Variants in HROB observed in about 807,000 individuals in gnomAD.
The protein encoded by HROB is homologous recombination OB-fold protein.
Under a neutral mutation model 61.0 loss-of-function variants are expected in HROB, and 44 were observed. The observed-to-expected ratio is 0.72, with a 90% confidence interval of 0.57 to 0.93. The LOEUF (loss-of-function observed/expected upper bound fraction) is 0.93. HROB is among the 40% of genes least tolerant of loss of function. HROB has a pLI of 0.00. For missense variants in HROB, 716 were observed against 796.2 expected (o/e 0.90, Z 1.21); for synonymous variants, 301 against 310.4 (o/e 0.97, Z 0.32).
intron 5 of HROB, among the ~76,000 whole-genome samples, chr17:44,153,881 C>G (rs914224153): frequency 5.9e-5 from 9 of 151,828 alleles, no homozygotes; most frequent in African/African-American, 2.2e-4. Flanking sequence ...GAAACCCCCT[C>G]TATTGAAAAT....
Position 44,141,951 on chromosome 17 carries a change from G to A in HROB, c.-192G>A, listed in dbSNP as rs2053453705. 1.4e-6 allele frequency: 1 copy of A among 690,182 alleles called. No homozygotes were observed. Among genetic ancestry groups the A allele is most frequent in the Non-Finnish European group, 2.3e-6 (1 of 440,910 alleles). 42.8% of individuals were successfully genotyped at this position (690,182 alleles called of 1,614,324 possible). On this transcript the variant is annotated 5_prime_UTR_variant, in exon 1 of 10. Coordinates refer to ENST00000585683, the MANE Select transcript of HROB (RefSeq NM_001171251.3). ...CCCCAGTGGCGGCGTCTTCGAATGC[G>A]GCCTAAGGCGCCTGCCGCCAGTCTC... is the stretch of plus-strand genomic sequence containing the variant.
At chr17:44,149,160 A>C (rs1050006317) in intron 3 of HROB, 133 bp downstream of exon 3, 6 of 963,510 alleles carry the variant, frequency 6.2e-6, no homozygotes, top group Non-Finnish European at 4.5e-6. Context: ...TCAAAGCTGC[A>C]GGAGAAATAA....
rs2053854076 is a variant in HROB at position 44,152,775 on chromosome 17, A to C, written c.1447A>C (p.Lys483Gln). The C allele has an allele frequency of 1.9e-6, 3 of 1,612,760 alleles. No individual in the cohort carries two copies. Among genetic ancestry groups the C allele is most frequent in the Non-Finnish European group, 2.5e-6 (3 of 1,179,374 alleles). The change falls in exon 5 of 10, where the codon AAG (lysine) becomes CAG (glutamine). Residue 483 changes from lysine to glutamine, a missense_variant and splice_region_variant. By Grantham distance (53) the Lys-to-Gln change is moderately conservative. Coordinates refer to ENST00000585683, the MANE Select transcript of HROB (RefSeq NM_001171251.3). ...CTACAGCATTGTCATGGTGCTGCGC[A>C]AGGTAAGGATTCTGGGTGCTGAGAC... ...CTYSIVMVLR[K>Q]AALKQLPRNK...
intron 3 of HROB, among the ~76,000 whole-genome samples, chr17:44,150,546 C>G (rs947759237): frequency 6.6e-6 from 1 of 152,138 alleles, no homozygotes; most frequent in African/African-American, 2.4e-5. Flanking sequence ...TGGGCCACCA[C>G]GCCTGGCTAA....
chr17:44,150,549 C>T (rs2053769035), intron 3 of HROB, among the ~76,000 whole-genome samples: 1 of 152,136 alleles, frequency 6.6e-6, no homozygotes, highest in African/African-American at 2.4e-5. Context: ...GCCACCACGC[C>T]TGGCTAATTT....
Position 44,148,207 on chromosome 17 carries a change from A to C in HROB, c.404A>C (p.His135Pro). 1 of 1,614,012 alleles carries C rather than the reference A, an allele frequency of 6.2e-7. No individual in the cohort carries two copies. The highest frequency in any genetic ancestry group is 1.1e-5 in the South Asian group (1 of 91,078). ...GCAAGACCTCAGTCCTCAGCCTTACACCCCCTACTCACCTTTGAGAGCCAA... is the reference window on the plus strand; with the variant it reads ...GCAAGACCTCAGTCCTCAGCCTTACCCCCCCTACTCACCTTTGAGAGCCAA... ...ETARPQSSAL[H>P]PLLTFESQQQ... Residue 135 changes from histidine to proline, a missense_variant, in exon 3 of 10, where the codon CAC becomes CCC. Physicochemically the swap from His to Pro is moderately conservative, Grantham distance 77. Coordinates refer to ENST00000585683, the MANE Select transcript of HROB (RefSeq NM_001171251.3).
intron 8 of HROB, 118 bp downstream of exon 8, chr17:44,155,529 G>C: frequency 7.0e-7 from 1 of 1,433,968 alleles, no homozygotes; most frequent in East Asian, 2.4e-5. Flanking sequence ...GGTGCTCTGA[G>C]GTGAAAAGGT....
chr17:44,158,035 C>T (rs2054024245), intron 9 of HROB, 94 bp downstream of exon 9: 1 of 875,632 alleles, frequency 1.1e-6, no homozygotes. Context: ...GTTCCTCTTT[C>T]CATGAATCTT....
rs569129993 is a variant in HROB at position 44,156,673 on chromosome 17, T to A, written c.1771-1160T>A. On this transcript the variant is annotated intron_variant, in intron 8 of 9. Coordinates refer to ENST00000585683, the MANE Select transcript of HROB (RefSeq NM_001171251.3). The stretch of plus-strand genomic sequence containing the variant: ...TTTAATTACCGGTATTTATTTATTT[T>A]TTTTTTTTGAAATGGAGTCTCACTC... Among the ~76,000 whole-genome samples, 102 of 151,718 alleles carry A rather than the reference T, an allele frequency of 6.7e-4. 1 individual carries two copies. The highest frequency in any genetic ancestry group is 3.4e-3 in the Middle Eastern group (1 of 294).
At chr17:44,155,482 C>T (rs927714422) in intron 8 of HROB, 71 bp downstream of exon 8, 46 of 1,583,644 alleles carry the variant, frequency 2.9e-5, no homozygotes, top group Non-Finnish European at 3.9e-5. Flanking sequence ...ATTTCTTCCT[C>T]TCTTCCACCC....
intron 9 of HROB, among the ~76,000 whole-genome samples, chr17:44,161,262 G>A (rs1294805560): frequency 1.3e-5 from 2 of 151,976 alleles, no homozygotes; most frequent in Non-Finnish European, 2.9e-5. Context: ...GCTAACTGGA[G>A]ATGCCCTACC....
chr17:44,149,123 G>T, intron 3 of HROB, 96 bp downstream of exon 3: 1 of 1,191,706 alleles, frequency 8.4e-7, no homozygotes. Flanking sequence ...TTGCAGAGAA[G>T]GAAGGAAGGA....
chr17:44,141,998 CAG>C lies in HROB; in HGVS notation c.-141_-140del. The C allele has an allele frequency of 3.4e-6, 4 of 1,177,696 alleles. No homozygotes were observed. The highest frequency in any genetic ancestry group is 2.9e-5 in the South Asian group (2 of 70,164). The allele number at this position is 1,177,696 out of a possible 1,614,324, so 73.0% of individuals were successfully genotyped here. A position where few individuals can be genotyped will look rare whatever the true frequency, so the allele number is the denominator to read the frequency against. On this transcript the variant is annotated 5_prime_UTR_variant, in exon 1 of 10. Transcript: ENST00000585683. ...TCTCCTGGCGACTTTCCCTATATCG[CAG>C]AGACTCATCCCTCTGACCCCAGCCC... is the stretch of plus-strand genomic sequence containing the variant.
At position 44,142,104 on chromosome 17, in the gene HROB, C is replaced by T. The variant is rs1161539685; in HGVS notation, c.-39C>T. 2 of 1,530,632 alleles carry T rather than the reference C, an allele frequency of 1.3e-6. No individual in the cohort carries two copies. Among genetic ancestry groups the T allele is most frequent in the South Asian group, 2.4e-5 (2 of 83,866 alleles). The allele number at this position is 1,530,632 out of a possible 1,614,324, so 94.8% of individuals were successfully genotyped here. ...CCGGCGACTCCCCGGACTCGGGGTG[C>T]CGGGCCAACCTCCCCGCCGAGGCCC... On this transcript the variant is annotated 5_prime_UTR_variant, in exon 1 of 10. Transcript: ENST00000585683.
Position 44,161,851 on chromosome 17 carries a change from C to T in HROB, c.1880-20C>T. The T allele has an allele frequency of 6.2e-7, 1 of 1,612,384 alleles. No homozygotes were observed. The highest frequency in any genetic ancestry group is 8.5e-7 in the Non-Finnish European group (1 of 1,178,532). On this transcript the variant is annotated intron_variant, in intron 9 of 9. Transcript: ENST00000585683. ...TGCTGATGTTGTCACTAAGGCTACCCATCATTCCCCTCTCTGTAGATGACC... is the reference window on the plus strand; with the variant it reads ...TGCTGATGTTGTCACTAAGGCTACCTATCATTCCCCTCTCTGTAGATGACC...
At chr17:44,142,231 G>A in intron 1 of HROB, 86 bp downstream of exon 1, 4 of 1,376,860 alleles carry the variant, frequency 2.9e-6, no homozygotes, top group Non-Finnish European at 3.8e-6. Context: ...CCCCTCGCCC[G>A]CGCAAGTTGC....
chr17:44,152,684 G>T lies in HROB; in HGVS notation c.1356G>T (p.Gly452=). Residue 452 remains glycine (G), a synonymous_variant, in exon 5 of 10, where the codon GGG becomes GGT. Transcript: ENST00000585683. ...QASVEEDFGR[G]PWLTMKSTLG... ...CTGTGGAGGAGGATTTTGGGCGAGG[G>T]CCCTGGCTGACCATGAAATCCACGC... is the stretch of plus-strand genomic sequence containing the variant. 6.2e-7 allele frequency: 1 copy of T among 1,614,172 alleles called. No homozygotes were observed. Among genetic ancestry groups the T allele is most frequent in the Non-Finnish European group, 8.5e-7 (1 of 1,180,030 alleles).
At chr17:44,160,655 C>G (rs1464446421) in intron 9 of HROB, among the ~76,000 whole-genome samples, 1 of 152,168 alleles carries the variant, frequency 6.6e-6, no homozygotes, top group African/African-American at 2.4e-5. Flanking sequence ...TATACTGGAA[C>G]AGTTTGTGCC....
intron 2 of HROB, 113 bp from the exon 3 acceptor site, chr17:44,147,745 T>C (rs2053654526): frequency 3.7e-6 from 4 of 1,085,310 alleles, no homozygotes; most frequent in Non-Finnish European, 2.6e-6. Context: ...CCTCATGCTT[T>C]GGTTTCTTTC....
Sources: gnomAD v4.1 joint callset for allele counts (sites outside exome capture counted in the v4.1 genomes callset) on GRCh38, gnomAD v4.1.1 for gene constraint, MANE v1.5 for transcripts, NCBI Gene and HGNC (gene_info 2026-07-23, HGNC 2026-07-21) for gene names.